Variants in THSD7B observed in about 807,000 individuals in gnomAD.
THSD7B encodes thrombospondin type-1 domain-containing protein 7B.
Under a neutral mutation model 213.6 loss-of-function variants are expected in THSD7B, and 138 were observed. The ratio of observed to expected loss-of-function variants is 0.65; its 90% confidence interval spans 0.56 to 0.74. The LOEUF is 0.74. THSD7B is among the 30% of genes least tolerant of loss of function. The probability of loss-of-function intolerance (pLI) is 0.00; values close to 1 mark genes in which losing one functional copy is unlikely to be tolerated. For missense variants in THSD7B, 1,931 were observed against 1,991.5 expected (o/e 0.97, Z 0.58); for synonymous variants, 742 against 687.0 (o/e 1.08, Z -1.25).
At chr2:136,909,791 T>C (rs1247293680) in intron 2 of THSD7B, among the ~76,000 whole-genome samples, 2 of 152,254 alleles carry the variant, frequency 1.3e-5, no homozygotes, top group Non-Finnish European at 2.9e-5. Context: ...ATTTGTAATA[T>C]GGCCAGACTA....
intron 21 of THSD7B, among the ~76,000 whole-genome samples, chr2:137,650,394 G>C (rs1326266323): frequency 6.6e-6 from 1 of 152,112 alleles, no homozygotes; most frequent in South Asian, 2.1e-4. Context: ...TTCACTGTTG[G>C]TGTATATAAA....
intron 7 of THSD7B, among the ~76,000 whole-genome samples, chr2:137,193,326 AT>A (rs1311023166): frequency 6.6e-6 from 1 of 152,162 alleles, no homozygotes; most frequent in African/African-American, 2.4e-5. Context: ...AATTGCGTAA[AT>A]TTATGAGGTG....
intron 3 of THSD7B, among the ~76,000 whole-genome samples, chr2:137,076,295 G>A (rs567262613): frequency 1.5e-4 from 23 of 152,326 alleles, no homozygotes; most frequent in Non-Finnish European, 2.4e-4. Context: ...AATGGCGGGC[G>A]CCCCTCCCCC....
chr2:137,258,890 GT>G (rs1682372897), intron 10 of THSD7B, among the ~76,000 whole-genome samples: 1 of 151,520 alleles, frequency 6.6e-6, no homozygotes, highest in African/African-American at 2.4e-5. Flanking sequence ...CTGTGTCCAT[GT>G]GTTCTCTTTG....
intron 15 of THSD7B, among the ~76,000 whole-genome samples, chr2:137,475,955 T>C (rs1402773030): frequency 6.6e-6 from 1 of 152,160 alleles, no homozygotes; most frequent in African/African-American, 2.4e-5. Context: ...AGATCCCTTT[T>C]CTTTGTGTTT....
chr2:137,280,499 A>G (rs1682981109), intron 12 of THSD7B, among the ~76,000 whole-genome samples: 1 of 152,166 alleles, frequency 6.6e-6, no homozygotes, highest in Non-Finnish European at 1.5e-5. Context: ...GTTCATGGTT[A>G]AGATTTCATT....
rs1331146842 is a variant in THSD7B, at chr2:137,642,299, T to C, written c.3800-189T>C. 1.5e-5 allele frequency: 9 copies of C among 597,234 alleles called. No homozygotes were observed. The East Asian group carries it at 2.7e-4, about 18-fold the overall frequency. 37.0% of individuals were successfully genotyped at this position (597,234 alleles called of 1,614,324 possible). On this transcript the variant is annotated intron_variant, in intron 20 of 27. Transcript: ENST00000409968. ...GACAGAATTTCAGATCCTTTAAGCA[T>C]TGTGAAAACCTAGATAGCCTGTGTC... is the stretch of plus-strand genomic sequence containing the variant.
chr2:137,281,812 A>G (rs951550445), intron 12 of THSD7B, among the ~76,000 whole-genome samples: 7 of 152,164 alleles, frequency 4.6e-5, no homozygotes, highest in Non-Finnish European at 7.3e-5. Flanking sequence ...ATTGTTGGAC[A>G]TTTGGGTTGG....
intron 2 of THSD7B, among the ~76,000 whole-genome samples, chr2:136,889,718 G>T (rs372636444): frequency 6.6e-6 from 1 of 152,058 alleles, no homozygotes; most frequent in Non-Finnish European, 1.5e-5. Flanking sequence ...AGATTCAAGC[G>T]CAGTTCCAAG....
chr2:137,332,089 G>A (rs1225802161), intron 12 of THSD7B, among the ~76,000 whole-genome samples: 1 of 152,172 alleles, frequency 6.6e-6, no homozygotes, highest in Non-Finnish European at 1.5e-5. Flanking sequence ...CTCCTCAAGT[G>A]CCGCCAAAGT....
intron 2 of THSD7B, among the ~76,000 whole-genome samples, chr2:137,004,616 A>G (rs1173144655): frequency 1.3e-5 from 2 of 152,190 alleles, no homozygotes; most frequent in East Asian, 1.9e-4. Flanking sequence ...CAAGAGATCT[A>G]TTTTTAAACT....
At chr2:137,211,553 A>G (rs144362024) in intron 7 of THSD7B, among the ~76,000 whole-genome samples, 1 of 152,174 alleles carries the variant, frequency 6.6e-6, no homozygotes, top group African/African-American at 2.4e-5. Context: ...TTTTTAGCTG[A>G]ATTTTAATAT....
intron 1 of THSD7B, among the ~76,000 whole-genome samples, chr2:136,869,006 A>T (rs913910968): frequency 2.6e-5 from 4 of 152,092 alleles, no homozygotes; most frequent in Non-Finnish European, 4.4e-5. Flanking sequence ...CAAACAACAG[A>T]TTATATAGAT....
Position 137,554,701 on chromosome 2 carries a change from G to A in THSD7B, c.3139-8520G>A, listed in dbSNP as rs1218578303. ...CACTGGGGCGTGTCAGACAGTGGGT[G>A]CAGTACAGTGGATGCAGTGCACCGA... On this transcript the variant is annotated intron_variant, in intron 15 of 27. Coordinates refer to ENST00000409968, the MANE Select transcript of THSD7B (RefSeq NM_001316349.2). Among the ~76,000 whole-genome samples the A allele has an allele frequency of 2.6e-5, 4 of 152,276 alleles. No homozygotes were observed. The East Asian group carries it at 7.7e-4, about 29-fold the overall frequency.
intron 12 of THSD7B, among the ~76,000 whole-genome samples, chr2:137,310,346 G>A (rs1683866384): frequency 1.4e-5 from 2 of 144,174 alleles, no homozygotes; most frequent in African/African-American, 2.6e-5. Flanking sequence ...CTTTTTGATG[G>A]GGTTGTTTGT....
At chr2:136,987,593 A>G (rs1344005575) in intron 2 of THSD7B, among the ~76,000 whole-genome samples, 2 of 152,200 alleles carry the variant, frequency 1.3e-5, no homozygotes, top group Non-Finnish European at 2.9e-5. Context: ...TACTGTACTC[A>G]TGGAAGCTCA....
At chr2:137,434,185 C>A (rs1015283110) in intron 14 of THSD7B, among the ~76,000 whole-genome samples, 2 of 152,190 alleles carry the variant, frequency 1.3e-5, no homozygotes, top group African/African-American at 2.4e-5. Flanking sequence ...GTTTGGGTAG[C>A]TACAAAAATC....
At position 137,618,454 on chromosome 2, in the gene THSD7B, C is replaced by T; in HGVS notation, c.3628C>T (p.Leu1210=). 6.2e-7 allele frequency: 1 copy of T among 1,613,912 alleles called. No individual in the cohort carries two copies. Among genetic ancestry groups the T allele is most frequent in the Non-Finnish European group, 8.5e-7 (1 of 1,179,870 alleles). Reference sequence around the variant, plus strand: ...TGGTCAAGGCGTCAGGACCCGCCTGCTAAGCTGTGTGTGCAGTGATGGCAA... The same window carrying T: ...TGGTCAAGGCGTCAGGACCCGCCTGTTAAGCTGTGTGTGCAGTGATGGCAA... ...PCGQGVRTRL[L]SCVCSDGKPV... The change falls in exon 19 of 28, where the codon CTA becomes TTA. Residue 1210 remains leucine (L), a synonymous_variant. Transcript: ENST00000409968.
chr2:137,144,936 T>A (rs1679664763), intron 5 of THSD7B, among the ~76,000 whole-genome samples: 1 of 152,104 alleles, frequency 6.6e-6, no homozygotes, highest in South Asian at 2.1e-4. Flanking sequence ...GAAAAAGTGA[T>A]ATGATCACTC....
Sources: gnomAD v4.1 joint callset for allele counts (sites outside exome capture counted in the v4.1 genomes callset) on GRCh38, gnomAD v4.1.1 for gene constraint, MANE v1.5 for transcripts, NCBI Gene and HGNC (gene_info 2026-07-23, HGNC 2026-07-21) for gene names.